PRRT1B: variants seen among roughly 807,000 people sequenced by gnomAD.
The protein encoded by PRRT1B is dispanin subfamily D member 2.
rs1314868862 is a variant in PRRT1B at position 131,558,046 on chromosome 9, G to A, written c.643-7G>A. Reference sequence around the variant, plus strand: ...CCACCGCCCCCTCCTGCCCTGTCTCGTTGCAGGCCCGTGCAGCACTGGGCA... The same window carrying A: ...CCACCGCCCCCTCCTGCCCTGTCTCATTGCAGGCCCGTGCAGCACTGGGCA... On this transcript the variant is annotated splice_polypyrimidine_tract_variant and splice_region_variant and intron_variant, in intron 3 of 3. Transcript: ENST00000636672. The A allele has an allele frequency of 1.8e-5, 7 of 399,272 alleles. No homozygotes were observed. Among genetic ancestry groups the A allele is most frequent in the South Asian group, 1.3e-4 (1 of 7,890 alleles). The allele number at this position is 399,272 out of a possible 1,614,324, so 24.7% of individuals were successfully genotyped here. A position where few individuals can be genotyped will look rare whatever the true frequency, so the allele number is the denominator to read the frequency against.
exon 3 of PRRT1B, chr9:131,556,122 C>G (rs1951047834): frequency 5.0e-6 from 2 of 400,974 alleles, no homozygotes; most frequent in South Asian, 2.5e-4. Context: ...GAGCACAGGC[C>G]CCTGCCAAAG....
Position 131,554,559 on chromosome 9 carries a change from TC to T in PRRT1B, c.30del (p.Asp11ThrfsTer180). The T allele has an allele frequency of 2.5e-6, 1 of 395,242 alleles. No individual in the cohort carries two copies. 24.5% of individuals were successfully genotyped at this position (395,242 alleles called of 1,614,324 possible). On this transcript the variant is annotated frameshift_variant, in exon 2 of 4. Coordinates refer to ENST00000636672, the Ensembl canonical transcript of PRRT1B. LOFTEE classifies it high-confidence loss of function. The stretch of plus-strand genomic sequence containing the variant: ...CGACCGCTGCCATTTCTTTCTAGGG[TC>T]CGACACGAAAGGGGGCGGCAGCCCC...
At chr9:131,555,058 C>G (rs2132011735) in intron 2 of PRRT1B, 29 bp downstream of exon 2, 1 of 388,886 alleles carries the variant, frequency 2.6e-6, no homozygotes, top group East Asian at 3.7e-5. Flanking sequence ...GGGCGCGCTC[C>G]CCTCCGTGCT....
intron 1 of PRRT1B, among the ~76,000 whole-genome samples, chr9:131,550,774 C>T (rs566560830): frequency 6.6e-6 from 1 of 152,236 alleles, no homozygotes; most frequent in East Asian, 1.9e-4. Context: ...ACAAACTATG[C>T]TCAACTCCCT....
chr9:131,559,790 C>T (rs1951073278), downstream of PRRT1B, among the ~76,000 whole-genome samples: 1 of 152,150 alleles, frequency 6.6e-6, no homozygotes, highest in African/African-American at 2.4e-5. Flanking sequence ...TACTAAAAGG[C>T]ATTAAAACCA....
At chr9:131,547,359 A>G (rs1256298347) in intron 1 of PRRT1B, among the ~76,000 whole-genome samples, 5 of 152,058 alleles carry the variant, frequency 3.3e-5, no homozygotes. Context: ...TGATGACATT[A>G]CCTTGTGAAA....
At chr9:131,556,140 T>C in exon 3 of PRRT1B, 1 of 401,176 alleles carries the variant, frequency 2.5e-6, no homozygotes, top group East Asian at 3.6e-5. Context: ...AAGGACTACA[T>C]GATGGAGTCA....
chr9:131,546,673 C>G (rs940762189), intron 1 of PRRT1B, among the ~76,000 whole-genome samples: 3 of 151,312 alleles, frequency 2.0e-5, no homozygotes, highest in Non-Finnish European at 4.4e-5. Context: ...ACTTGCCCAG[C>G]GGGGAGCCCG....
In PRRT1B at chr9:131,549,404, G is replaced by A. The variant is rs187539442; in HGVS notation, c.25+3764G>A. Among the ~76,000 whole-genome samples the A allele has an allele frequency of 1.3e-4, 20 of 149,568 alleles. No individual in the cohort carries two copies. The East Asian group carries it at 3.7e-3, about 28-fold the overall frequency. ...CTGGGCCGAGGAATGCCCCCAGCCCGGGATTCCTCCTAAGCCATGTCCCAT... is the reference window on the plus strand; with the variant it reads ...CTGGGCCGAGGAATGCCCCCAGCCCAGGATTCCTCCTAAGCCATGTCCCAT... On this transcript the variant is annotated intron_variant, in intron 1 of 3. Coordinates refer to ENST00000636672, the Ensembl canonical transcript of PRRT1B.
rs902407757 is a variant in PRRT1B at position 131,551,710 on chromosome 9, C to G, written c.26-2847C>G. Among the ~76,000 whole-genome samples, 3 of 152,116 alleles carry G rather than the reference C, an allele frequency of 2.0e-5. No individual in the cohort carries two copies. Among genetic ancestry groups the G allele is most frequent in the African/African-American group, 7.2e-5 (3 of 41,426 alleles). ...TTCCTTCTCCTGGCTCATCCTGGCT[C>G]AAAAGCTCCCCCACTGAGCACCTTG... On this transcript the variant is annotated intron_variant, in intron 1 of 3. Transcript: ENST00000636672. The surrounding 1 kb of genome is among the most constrained non-coding windows in gnomAD (Gnocchi z 4.4).
chr9:131,554,438 C>G (rs1012472877), intron 1 of PRRT1B, 119 bp from the exon 2 acceptor site: 8 of 365,138 alleles, frequency 2.2e-5, no homozygotes, highest in African/African-American at 1.1e-4. Context: ...CTTTGCGTCA[C>G]GATCCTATGA....
chr9:131,557,853 G>A (rs908390736), intron 3 of PRRT1B, among the ~76,000 whole-genome samples, 200 bp from the exon 4 acceptor site: 9 of 152,276 alleles, frequency 5.9e-5, no homozygotes, highest in Admixed American at 3.9e-4. Flanking sequence ...AGTGCTGAGC[G>A]TGACAAGCGC....
chr9:131,550,860 G>T (rs1411207486), intron 1 of PRRT1B, among the ~76,000 whole-genome samples: 1 of 150,634 alleles, frequency 6.6e-6, no homozygotes, highest in Non-Finnish European at 1.5e-5. Context: ...CCAATTCTTA[G>T]TCATTTAATA....
chr9:131,555,805 G>T (rs1951045257), intron 2 of PRRT1B, among the ~76,000 whole-genome samples: 1 of 152,184 alleles, frequency 6.6e-6, no homozygotes, highest in Admixed American at 6.5e-5. Flanking sequence ...TATCACAGAG[G>T]CTGGACCCTC....
intron 2 of PRRT1B, among the ~76,000 whole-genome samples, chr9:131,555,326 C>T (rs1489220301): frequency 6.6e-6 from 1 of 151,650 alleles, no homozygotes; most frequent in Non-Finnish European, 1.5e-5. Context: ...AGGTGGAACC[C>T]GTGGGGAGGG....
chr9:131,555,565 A>T (rs1382236187), intron 2 of PRRT1B, among the ~76,000 whole-genome samples: 3 of 152,112 alleles, frequency 2.0e-5, no homozygotes, highest in Non-Finnish European at 4.4e-5. Flanking sequence ...AGCCCCAGCT[A>T]TTCTTGAGGC....
intron 3 of PRRT1B, among the ~76,000 whole-genome samples, chr9:131,556,931 C>T (rs1281317295): frequency 2.0e-5 from 3 of 152,134 alleles, no homozygotes; most frequent in African/African-American, 7.2e-5. Context: ...CTGTGCCTGG[C>T]CCATCCACCA....
chr9:131,557,515 G>A (rs926457943), intron 3 of PRRT1B, among the ~76,000 whole-genome samples: 3 of 152,200 alleles, frequency 2.0e-5, no homozygotes, highest in Non-Finnish European at 4.4e-5. Flanking sequence ...TCTAGCCTGT[G>A]AGACGGAGCA....
At chr9:131,553,863 C>A (rs941790617) in intron 1 of PRRT1B, among the ~76,000 whole-genome samples, 2 of 152,186 alleles carry the variant, frequency 1.3e-5, no homozygotes, top group African/African-American at 4.8e-5. Flanking sequence ...TCAGGAGGTG[C>A]AGCCTTAAGA....
Sources: allele counts gnomAD v4.1 joint callset (sites outside exome capture counted in the v4.1 genomes callset), GRCh38; gene constraint gnomAD v4.1.1; non-coding constraint Gnocchi (gnomAD v3.1); transcripts MANE v1.5; gene names NCBI Gene and HGNC (gene_info 2026-07-23, HGNC 2026-07-21).